Variants in APOO observed in about 807,000 individuals in gnomAD.
The protein encoded by APOO is MICOS complex subunit MIC26.
Under a neutral mutation model 23.1 loss-of-function variants are expected in APOO, and 11 were observed. The ratio of observed to expected loss-of-function variants is 0.48; its 90% CI spans 0.30 to 0.79. The LOEUF (loss-of-function observed/expected upper bound fraction) is 0.79. Among genes scored for constraint, APOO ranks in the 30% least tolerant of loss-of-function variants. The pLI is 0.07. For missense variants in APOO, 160 were observed against 142.7 expected, an observed-to-expected ratio of 1.12 and a Z score of -0.62; for synonymous variants, 59 against 54.8, an observed-to-expected ratio of 1.08 and a Z score of -0.34.
At chrX:23,872,521 T>TTATATATATATATATATATATATATA (rs773219545) in intron 4 of APOO, among the ~76,000 whole-genome samples, 1 of 93,256 alleles carries the variant, frequency 1.1e-5, no homozygotes, top group African/African-American at 4.0e-5. Context: ...TTATGAGAAT[T>TTATATATATATATATATATATATATA]TATATATATA....
At chrX:23,835,624 C>T (rs1232992477) in intron 8 of APOO, among the ~76,000 whole-genome samples, 2 of 111,079 alleles carry the variant, frequency 1.8e-5, no homozygotes, top group African/African-American at 6.5e-5. Flanking sequence ...AGAAGGAATG[C>T]GTAGCTCTAT....
chrX:23,875,716 G>A lies in APOO; in HGVS notation c.238-1259C>T, dbSNP rs1311601208. On this transcript the variant is annotated intron_variant, in intron 3 of 8. Transcript: ENST00000379226. ...ATTACAGGCGTGAGCTACTGCGCCC[G>A]GCCTGGAAAAGGATTTGTTTTGTGT... Among the ~76,000 whole-genome samples, 6 of 109,911 alleles carry A rather than the reference G, an allele frequency of 5.5e-5. No homozygotes were observed. The East Asian group carries it at 8.7e-4, about 16-fold the overall frequency.
intron 7 of APOO, among the ~76,000 whole-genome samples, chrX:23,850,548 C>T (rs947436877): frequency 9.0e-6 from 1 of 111,728 alleles, no homozygotes; most frequent in African/African-American, 3.3e-5. Context: ...AAAATATGAC[C>T]AGGCGCAGTG....
intron 4 of APOO, among the ~76,000 whole-genome samples, chrX:23,869,640 G>GAA (rs761388017): frequency 2.2e-3 from 76 of 33,898 alleles, no homozygotes; most frequent in African/African-American, 6.9e-3. Context: ...CTCTTAAAAA[G>GAA]AAAAAAAAAA....
intron 1 of APOO, among the ~76,000 whole-genome samples, chrX:23,892,939 A>G (rs1420690639): frequency 2.7e-5 from 3 of 110,270 alleles, no homozygotes; most frequent in Non-Finnish European, 5.7e-5. Context: ...TTTTTACAAA[A>G]AAAAAAAACA....
intron 8 of APOO, among the ~76,000 whole-genome samples, chrX:23,839,553 C>A (rs1601878899): frequency 1.8e-5 from 2 of 111,475 alleles, no homozygotes. Context: ...CACCAATTTT[C>A]AAAAAATTTT....
intron 7 of APOO, among the ~76,000 whole-genome samples, chrX:23,852,381 G>A (rs755900242): frequency 2.7e-5 from 3 of 110,129 alleles, no homozygotes; most frequent in South Asian, 7.7e-4. Flanking sequence ...GGCAGATCAC[G>A]AGGTCAGGAG....
intron 1 of APOO, among the ~76,000 whole-genome samples, chrX:23,889,652 AGTT>A (rs1407492376): frequency 2.3e-5 from 2 of 85,607 alleles, no homozygotes; most frequent in Non-Finnish European, 2.2e-5. Flanking sequence ...TCACCTGGGG[AGTT>A]GTTTTTTTTT....
chrX:23,842,350 C>G (rs1924023787), intron 7 of APOO, among the ~76,000 whole-genome samples: 1 of 111,774 alleles, frequency 8.9e-6, no homozygotes, highest in Admixed American at 9.6e-5. Context: ...GACTGCACAA[C>G]TGCACTACAG....
chrX:23,863,239 C>T (rs918793316), intron 5 of APOO, among the ~76,000 whole-genome samples: 13 of 111,778 alleles, frequency 1.2e-4, no homozygotes, highest in Middle Eastern at 4.6e-3. Context: ...GAGGTTGAGG[C>T]GTGAGAATCA....
At chrX:23,883,374 G>C (rs757520394) in intron 1 of APOO, 4 of 111,758 alleles carry the variant, frequency 3.6e-5, no homozygotes, top group South Asian at 3.8e-4. Flanking sequence ...GAAGAACACA[G>C]TGACAGACTC....
chrX:23,860,916 G>A (rs193062875), intron 5 of APOO, among the ~76,000 whole-genome samples: 175 of 109,446 alleles, frequency 1.6e-3, no homozygotes, highest in African/African-American at 5.5e-3. Context: ...GAGGTGGGAG[G>A]ACTGATTGAG....
At chrX:23,906,687 T>A (rs1927372392) in intron 1 of APOO, among the ~76,000 whole-genome samples, 1 of 112,501 alleles carries the variant, frequency 8.9e-6, no homozygotes, top group African/African-American at 3.2e-5. Context: ...GAGCAAATAC[T>A]AGGCCTTTTC....
intron 5 of APOO, among the ~76,000 whole-genome samples, chrX:23,867,083 G>C (rs930984414): frequency 1.8e-5 from 2 of 110,030 alleles, no homozygotes; most frequent in Non-Finnish European, 1.9e-5. Flanking sequence ...CTGGGCGACA[G>C]AGTGAGACTC....
chrX:23,889,533 T>C (rs1180585567), intron 1 of APOO, among the ~76,000 whole-genome samples: 2 of 111,206 alleles, frequency 1.8e-5, no homozygotes, highest in Non-Finnish European at 3.8e-5. Flanking sequence ...GGGTGACTCT[T>C]TTCTCCCACA....
At chrX:23,851,205 T>C (rs1337483495) in intron 7 of APOO, among the ~76,000 whole-genome samples, 1 of 110,263 alleles carries the variant, frequency 9.1e-6, no homozygotes, top group Non-Finnish European at 1.9e-5. Context: ...TTTCCTTTTT[T>C]TTTTTTGAGA....
intron 2 of APOO, 109 bp downstream of exon 2, chrX:23,880,736 A>AAATG (rs1443839690): frequency 2.5e-4 from 71 of 282,408 alleles, no homozygotes; most frequent in Non-Finnish European, 3.9e-4. Flanking sequence ...ATAAATAAAT[A>AAATG]AATGTATTTT....
Position 23,880,952 on chromosome X carries a change from C to T in APOO, c.10G>A (p.Val4Ile). The part of the protein sequence containing the change: MFK[V>I]IQRSVGPASL... ...GCTGGCCCCACGGACCTCTGAATTA[C>T]CTGAAATGCAGAAGCAATCTTAAAC... Residue 4 changes from valine to isoleucine, a missense_variant and splice_region_variant, in exon 2 of 9, where the codon GTA (valine) becomes ATA (isoleucine). Val to Ile is a conservative substitution (Grantham distance 29). Transcript: ENST00000379226. 1 of 1,162,545 alleles carries T rather than the reference C, an allele frequency of 8.6e-7. No homozygotes were observed. The highest frequency in any genetic ancestry group is 1.2e-6 in the Non-Finnish European group (1 of 868,262).
At chrX:23,838,357 C>CAAAAAAAA (rs764414297) in intron 8 of APOO, among the ~76,000 whole-genome samples, 31 of 19,710 alleles carry the variant, frequency 1.6e-3, no homozygotes, top group African/African-American at 3.0e-3. Flanking sequence ...AACTCTATCT[C>CAAAAAAAA]AAAAAAAAAA....
Sources: allele counts gnomAD v4.1 joint callset (sites outside exome capture counted in the v4.1 genomes callset), GRCh38; gene constraint gnomAD v4.1.1; transcripts MANE v1.5; gene names NCBI Gene and HGNC (gene_info 2026-07-23, HGNC 2026-07-21).